Variants in CPED1 observed in about 807,000 individuals in gnomAD.
CPED1 encodes cadherin like and PC-esterase domain containing 1.
In CPED1, 114 loss-of-function variants were observed where a neutral mutation model predicts 128.2. That is an observed-to-expected ratio of 0.89 (90% confidence interval 0.76 to 1.04). CPED1 has a LOEUF of 1.04. CPED1 is among the 50% of genes least tolerant of loss of function. The pLI is 0.00. For missense variants in CPED1, 1,211 were observed against 1,207.1 expected (o/e 1.00, Z -0.05); for synonymous variants, 462 against 426.7 (o/e 1.08, Z -1.02).
intron 5 of CPED1, among the ~76,000 whole-genome samples, chr7:121,070,738 G>A (rs1388378442): frequency 6.6e-6 from 1 of 151,996 alleles, no homozygotes; most frequent in Non-Finnish European, 1.5e-5. Context: ...ACCATGACCA[G>A]CCTAGTCCAA....
rs754351653 is a variant in CPED1 at position 121,295,750 on chromosome 7, C to T, written c.*98C>T. 6.0e-5 allele frequency: 55 copies of T among 920,046 alleles called. No homozygotes were observed. The highest frequency in any genetic ancestry group is 8.3e-5 in the African/African-American group (5 of 60,564). 57.0% of individuals were successfully genotyped at this position (920,046 alleles called of 1,614,324 possible). A position where few individuals can be genotyped will look rare whatever the true frequency, so the allele number is the denominator to read the frequency against. ...GCTGCACATCGCACACATTTGGGAT[C>T]GACCACACACACTTGTGCACACCAG... On this transcript the variant is annotated 3_prime_UTR_variant, in exon 23 of 23. Transcript: ENST00000310396.
chr7:121,095,218 AG>A (rs1794671562), intron 5 of CPED1, among the ~76,000 whole-genome samples: 1 of 152,102 alleles, frequency 6.6e-6, no homozygotes, highest in Non-Finnish European at 1.5e-5. Flanking sequence ...GCTATGGAGA[AG>A]GGGGATGGAT....
rs542824528 is a variant in CPED1 at position 121,186,929 on chromosome 7, T to C, written c.2055+44788T>C. On this transcript the variant is annotated intron_variant, in intron 16 of 22. Transcript: ENST00000310396. ...GAAGAGTCTGCACATTAGTGTGGTC[T>C]ACTCTGATACTTCCTGCTTCCCTGC... Among the ~76,000 whole-genome samples, 12 of 152,336 alleles carry C rather than the reference T, an allele frequency of 7.9e-5. No individual in the cohort carries two copies. The East Asian group carries it at 1.5e-3, about 20-fold the overall frequency.
At chr7:121,169,710 C>A (rs1214359959) in intron 16 of CPED1, among the ~76,000 whole-genome samples, 2 of 152,086 alleles carry the variant, frequency 1.3e-5, no homozygotes, top group East Asian at 3.8e-4. Flanking sequence ...TGATCTGTGG[C>A]TAGTGAGTTC....
At chr7:121,169,261 CAGTA>C (rs1796599497) in intron 16 of CPED1, among the ~76,000 whole-genome samples, 1 of 151,612 alleles carries the variant, frequency 6.6e-6, no homozygotes, top group Non-Finnish European at 1.5e-5. Context: ...ATTCATAAGA[CAGTA>C]TTAAAATGAT....
At chr7:121,293,189 C>G (rs1176588452) in intron 22 of CPED1, among the ~76,000 whole-genome samples, 1 of 152,186 alleles carries the variant, frequency 6.6e-6, no homozygotes, top group African/African-American at 2.4e-5. Context: ...CTGACTAGGG[C>G]TGCTGCCTTT....
chr7:121,204,916 AG>A (rs1797484808), intron 16 of CPED1, among the ~76,000 whole-genome samples: 1 of 152,100 alleles, frequency 6.6e-6, no homozygotes, highest in African/African-American at 2.4e-5. Context: ...TAACCAAAAG[AG>A]GGTCATTGCC....
intron 18 of CPED1, among the ~76,000 whole-genome samples, chr7:121,248,165 G>GCACT (rs1260559758): frequency 6.6e-6 from 1 of 152,156 alleles, no homozygotes; most frequent in Non-Finnish European, 1.5e-5. Context: ...TATGTGGCCA[G>GCACT]CACTCAAGTG....
chr7:121,098,826 A>AAT (rs1178459678), intron 6 of CPED1, among the ~76,000 whole-genome samples: 7 of 144,198 alleles, frequency 4.9e-5, no homozygotes, highest in East Asian at 4.0e-4. Flanking sequence ...TATATATATA[A>AAT]ATATATATAT....
intron 16 of CPED1, among the ~76,000 whole-genome samples, chr7:121,158,147 A>G (rs941574821): frequency 1.3e-5 from 2 of 152,238 alleles, no homozygotes; most frequent in Non-Finnish European, 2.9e-5. Flanking sequence ...GGAAGTAATT[A>G]TTGGGTCATG....
chr7:121,005,858 C>T (rs1328282013), intron 2 of CPED1, among the ~76,000 whole-genome samples: 1 of 152,140 alleles, frequency 6.6e-6, no homozygotes, highest in Non-Finnish European at 1.5e-5. Flanking sequence ...TGGATTCTTA[C>T]AGTAGCACAA....
intron 16 of CPED1, among the ~76,000 whole-genome samples, chr7:121,226,924 A>T (rs1798027841): frequency 6.6e-6 from 1 of 152,146 alleles, no homozygotes; most frequent in South Asian, 2.1e-4. Flanking sequence ...TGTTAAATTT[A>T]AAGACCATGT....
rs1010106166 is a variant in CPED1 at position 121,296,633 on chromosome 7, C to T, written c.*981C>T. ...TACTAGTATCTATATTTTGATTTTC[C>T]TGAGCAACTGTATCAAATCCAAATT... On this transcript the variant is annotated 3_prime_UTR_variant, in exon 23 of 23. Transcript: ENST00000310396. 4.6e-5 allele frequency: 7 copies of T among 151,974 alleles called. No homozygotes were observed. Among genetic ancestry groups the T allele is most frequent in the Non-Finnish European group, 1.0e-4 (7 of 67,942 alleles). 9.4% of individuals were successfully genotyped at this position (151,974 alleles called of 1,614,324 possible). A position where few individuals can be genotyped will look rare whatever the true frequency, so the allele number is the denominator to read the frequency against.
chr7:121,085,101 G>A (rs781761947), intron 5 of CPED1, among the ~76,000 whole-genome samples: 2 of 152,140 alleles, frequency 1.3e-5, no homozygotes, highest in African/African-American at 2.4e-5. Context: ...TTCTGCTGGA[G>A]TCCCCCATGG....
intron 7 of CPED1, among the ~76,000 whole-genome samples, chr7:121,104,744 T>C (rs1191884603): frequency 2.6e-5 from 4 of 152,156 alleles, no homozygotes; most frequent in African/African-American, 9.7e-5. Context: ...ATCAGCTCCC[T>C]ATAAATGTCT....
chr7:121,111,903 T>C (rs1423350347), intron 7 of CPED1, among the ~76,000 whole-genome samples: 1 of 152,214 alleles, frequency 6.6e-6, no homozygotes, highest in Non-Finnish European at 1.5e-5. Context: ...AAACATTTAT[T>C]ATTTCTCATG....
At chr7:121,064,387 G>T in intron 5 of CPED1, 74 bp downstream of exon 5, 1 of 992,578 alleles carries the variant, frequency 1.0e-6, no homozygotes, top group Non-Finnish European at 1.6e-6. Context: ...CAGCTAACAT[G>T]GTCTCAGGTC....
At chr7:121,162,578 C>A (rs1796435850) in intron 16 of CPED1, among the ~76,000 whole-genome samples, 1 of 152,108 alleles carries the variant, frequency 6.6e-6, no homozygotes, top group Non-Finnish European at 1.5e-5. Context: ...TCAAAAAAAC[C>A]TACTTTGATT....
intron 5 of CPED1, among the ~76,000 whole-genome samples, chr7:121,080,410 G>A (rs1163953420): frequency 6.6e-6 from 1 of 152,136 alleles, no homozygotes; most frequent in Admixed American, 6.6e-5. Flanking sequence ...AATATTAGGA[G>A]TTAATCTGAA....
Sources: gnomAD v4.1 joint callset for allele counts (sites outside exome capture counted in the v4.1 genomes callset) on GRCh38, gnomAD v4.1.1 for gene constraint, MANE v1.5 for transcripts, NCBI Gene and HGNC (gene_info 2026-07-23, HGNC 2026-07-21) for gene names.